Variants in MKLN1 observed in about 807,000 individuals in gnomAD.
The protein encoded by MKLN1 is muskelin.
Under a neutral mutation model 99.0 loss-of-function variants are expected in MKLN1, and 18 were observed. The observed-to-expected ratio is 0.18, with a 90% CI of 0.13 to 0.27. The LOEUF is 0.27. Among genes scored for constraint, MKLN1 ranks in the 10% least tolerant of loss-of-function variants. The probability of loss-of-function intolerance (pLI) is 1.00; values close to 1 mark genes in which losing one functional copy is unlikely to be tolerated. For synonymous variants in MKLN1, 288 were observed against 293.2 expected, an observed-to-expected ratio of 0.98 and a Z score of 0.18; for missense variants, 621 against 875.9, an observed-to-expected ratio of 0.71 and a Z score of 3.67.
intron 12 of MKLN1, among the ~76,000 whole-genome samples, chr7:131,460,358 T>C (rs964411021): frequency 6.6e-6 from 1 of 152,228 alleles, no homozygotes; most frequent in African/African-American, 2.4e-5. Flanking sequence ...CAGTTTCTTT[T>C]ACAGTGTGTA....
At chr7:131,126,048 A>T (rs1018003585) in intron 1 of MKLN1, among the ~76,000 whole-genome samples, 554 of 27,446 alleles carry the variant, frequency 0.02, 7 homozygotes, top group African/African-American at 0.053. Flanking sequence ...ATAAATAAAT[A>T]AATTAATTAA....
chr7:131,120,368 T>C (rs1231388127), intron 1 of MKLN1, among the ~76,000 whole-genome samples: 2 of 146,622 alleles, frequency 1.4e-5, no homozygotes, highest in African/African-American at 5.0e-5. Flanking sequence ...CTACTAAAAA[T>C]ACAAAAAAAC....
chr7:131,448,267 G>GAAC, intron 12 of MKLN1, among the ~76,000 whole-genome samples: 1 of 152,218 alleles, frequency 6.6e-6, no homozygotes, highest in East Asian at 1.9e-4. Flanking sequence ...TAGTGACAGA[G>GAAC]AACTAGTAAA....
intron 2 of MKLN1, among the ~76,000 whole-genome samples, chr7:131,200,941 C>T (rs765262522): frequency 5.9e-5 from 9 of 152,132 alleles, no homozygotes; most frequent in African/African-American, 1.4e-4. Flanking sequence ...TTGTATTTAA[C>T]GAGAAGCCAC....
chr7:131,463,675 G>T (rs1203380255), intron 13 of MKLN1, among the ~76,000 whole-genome samples: 1 of 152,140 alleles, frequency 6.6e-6, no homozygotes, highest in East Asian at 1.9e-4. Context: ...AATGTTCCCA[G>T]ATCTTAGTTT....
At chr7:131,438,019 A>G (rs1563348137) in intron 10 of MKLN1, 22 bp downstream of exon 10, 1 of 1,560,956 alleles carries the variant, frequency 6.4e-7, no homozygotes. Context: ...AGTTAAATAT[A>G]TGATGGAATT....
At chr7:131,349,839 G>A (rs1258883878) in intron 1 of MKLN1, among the ~76,000 whole-genome samples, 4 of 152,132 alleles carry the variant, frequency 2.6e-5, no homozygotes, top group African/African-American at 4.8e-5. Context: ...TCAAACTTCT[G>A]TATAGGAATG....
chr7:131,464,350 A>G lies in MKLN1; in HGVS notation c.1730A>G (p.Gln577Arg), dbSNP rs1463658907. 1 of 1,613,668 alleles carries G rather than the reference A, an allele frequency of 6.2e-7. No individual in the cohort carries two copies. Among genetic ancestry groups the G allele is most frequent in the Non-Finnish European group, 8.5e-7 (1 of 1,179,790 alleles). ...AAGGATAATCCAACTAAAAGTCTTC[A>G]GGAAGAAGAACCATGTCCAAGGTTT... is the stretch of plus-strand genomic sequence containing the variant. ...AAKDNPTKSL[Q>R]EEEPCPRFAH... is the part of the protein sequence containing the mutation. The change falls in exon 14 of 18, where the codon CAG (glutamine) becomes CGG (arginine). Residue 577 changes from glutamine (Q) to arginine (R), a missense_variant. By Grantham distance (43) the Gln-to-Arg change is conservative (BLOSUM62 1). Transcript: ENST00000352689.
At chr7:131,261,291 T>A (rs1157986822) in intron 3 of MKLN1, among the ~76,000 whole-genome samples, 1 of 152,074 alleles carries the variant, frequency 6.6e-6, no homozygotes, top group African/African-American at 2.4e-5. Context: ...CTTAAACAAA[T>A]TAACAAGCAA....
chr7:131,219,234 T>TG (rs1797027942), intron 3 of MKLN1, among the ~76,000 whole-genome samples: 1 of 150,080 alleles, frequency 6.7e-6, no homozygotes, highest in South Asian at 2.1e-4. Flanking sequence ...TTAAAAATGT[T>TG]AAAAAAAAAA....
chr7:131,393,078 A>T (rs1269181587), intron 4 of MKLN1, among the ~76,000 whole-genome samples: 1 of 152,020 alleles, frequency 6.6e-6, no homozygotes, highest in East Asian at 1.9e-4. Flanking sequence ...GTAGAAACTG[A>T]GTCTTGCTGT....
At chr7:131,364,024 G>A (rs1047650282) in intron 1 of MKLN1, among the ~76,000 whole-genome samples, 1 of 152,024 alleles carries the variant, frequency 6.6e-6, no homozygotes, top group African/African-American at 2.4e-5. Context: ...TTCTTACTAT[G>A]CTGTTGTCTT....
chr7:131,335,723 GCTTA>G (rs1168334704), intron 1 of MKLN1, among the ~76,000 whole-genome samples: 3 of 146,756 alleles, frequency 2.0e-5, no homozygotes, highest in African/African-American at 7.5e-5. Flanking sequence ...CAAATGTATT[GCTTA>G]CTTTTTGAAC....
chr7:131,397,780 A>G (rs1794402410), intron 5 of MKLN1, among the ~76,000 whole-genome samples: 1 of 152,158 alleles, frequency 6.6e-6, no homozygotes, highest in Non-Finnish European at 1.5e-5. Context: ...TACTTAAAAC[A>G]TAGTTTTTAG....
chr7:131,328,036 C>G, intron 1 of MKLN1, 39 bp downstream of exon 1: 1 of 1,606,850 alleles, frequency 6.2e-7, no homozygotes, highest in Non-Finnish European at 8.5e-7. Context: ...CCCCACCCTT[C>G]CGCGTCAGCA....
At chr7:131,115,634 G>A (rs185067262) in intron 1 of MKLN1, among the ~76,000 whole-genome samples, 6 of 152,274 alleles carry the variant, frequency 3.9e-5, no homozygotes, top group South Asian at 2.1e-4. Context: ...GGCCCGTGGA[G>A]CCCTGTACGG....
At chr7:131,179,389 C>T (rs1172417661) in intron 2 of MKLN1, among the ~76,000 whole-genome samples, 1 of 152,104 alleles carries the variant, frequency 6.6e-6, no homozygotes, top group African/African-American at 2.4e-5. Flanking sequence ...TCCTAAAATT[C>T]TAAAGTCCAC....
chr7:131,463,018 A>T (rs1796560760), intron 12 of MKLN1, among the ~76,000 whole-genome samples, 199 bp from the exon 13 acceptor site: 1 of 152,104 alleles, frequency 6.6e-6, no homozygotes, highest in South Asian at 2.1e-4. Context: ...GCTACTTGGG[A>T]GGCTGGGGCA....
chr7:131,388,214 C>T (rs755340341), intron 3 of MKLN1, among the ~76,000 whole-genome samples: 5 of 150,874 alleles, frequency 3.3e-5, no homozygotes, highest in Non-Finnish European at 7.4e-5. Context: ...CATGGTATGG[C>T]CCATTAACAT....
Sources: gnomAD v4.1 joint callset for allele counts (sites outside exome capture counted in the v4.1 genomes callset) on GRCh38, gnomAD v4.1.1 for gene constraint, MANE v1.5 for transcripts, NCBI Gene and HGNC (gene_info 2026-07-23, HGNC 2026-07-21) for gene names.